TGFBR3: variants seen among roughly 807,000 people sequenced by gnomAD.
TGFBR3 encodes the protein transforming growth factor beta receptor type 3.
Under a neutral mutation model 87.9 loss-of-function variants are expected in TGFBR3, and 46 were observed. The observed-to-expected ratio is 0.52, with a 90% CI of 0.41 to 0.67. The LOEUF is 0.67. TGFBR3 is among the 30% of genes least tolerant of loss of function. The pLI is 0.00. For synonymous variants in TGFBR3, 381 were observed against 391.6 expected (o/e 0.97, Z 0.32); for missense variants, 866 against 1,041.9 (o/e 0.83, Z 2.32).
intron 2 of TGFBR3, among the ~76,000 whole-genome samples, chr1:91,858,323 T>A (rs914750865): frequency 6.6e-6 from 1 of 151,660 alleles, no homozygotes; most frequent in Non-Finnish European, 1.5e-5. Context: ...ATATAAAAAA[T>A]TTTTTTTGCA....
At chr1:91,737,810 C>T (rs1381133914) in intron 4 of TGFBR3, among the ~76,000 whole-genome samples, 5 of 152,184 alleles carry the variant, frequency 3.3e-5, no homozygotes, top group South Asian at 4.2e-4. Context: ...AAGACGGTGT[C>T]GGGACAAGAT....
chr1:91,884,827 C>T (rs867151656), intron 1 of TGFBR3, among the ~76,000 whole-genome samples: 2 of 152,206 alleles, frequency 1.3e-5, no homozygotes, highest in Middle Eastern at 3.2e-3. Context: ...GAAGAAGAAA[C>T]GGTCTTGACG....
At chr1:91,853,808 T>A (rs1421387695) in intron 2 of TGFBR3, among the ~76,000 whole-genome samples, 1 of 152,144 alleles carries the variant, frequency 6.6e-6, no homozygotes, top group Non-Finnish European at 1.5e-5. Context: ...GGTCAGGAGT[T>A]CGAGACCAGC....
intron 1 of TGFBR3, 196 bp from the exon 2 acceptor site, chr1:91,861,840 G>A: frequency 3.0e-6 from 1 of 335,014 alleles, no homozygotes; most frequent in Non-Finnish European, 5.6e-6. Flanking sequence ...TTTTGCAAAT[G>A]ACATATTTGT....
intron 12 of TGFBR3, among the ~76,000 whole-genome samples, chr1:91,714,877 G>A (rs35166025): frequency 3.9e-5 from 6 of 152,282 alleles, no homozygotes; most frequent in East Asian, 1.9e-4. Context: ...CTCAAAGAAA[G>A]AGAACTCTCA....
rs547104877 is a variant in TGFBR3 at position 91,851,475 on chromosome 1, G to GCTTCCCGGAACA, written c.61+9984_61+9995dup. Among the ~76,000 whole-genome samples, 650 of 152,260 alleles carry GCTTCCCGGAACA rather than the reference G, an allele frequency of 4.3e-3. 8 individuals carry two copies. The highest frequency in any genetic ancestry group is 0.015 in the African/African-American group (611 of 41,538). On this transcript the variant is annotated intron_variant, in intron 2 of 16. Transcript: ENST00000212355. ...CTAAAGGAAGGCCTCTTGCTGGCAC[G>GCTTCCCGGAACA]CTTCCCGGAACACTTCCCAGAACAC...
In TGFBR3 at chr1:91,682,280, AATCT is replaced by A; in HGVS notation, c.*1455_*1458del. On this transcript the variant is annotated 3_prime_UTR_variant, in exon 17 of 17. Transcript: ENST00000212355. Reference sequence around the variant, plus strand: ...TTGCTTATGAATATTTTGGGGGTAGAATCTATCTTGTTCTACTTATGGAATTCTA... The same window carrying A: ...TTGCTTATGAATATTTTGGGGGTAGAATCTTGTTCTACTTATGGAATTCTA... 2.2e-6 allele frequency: 1 copy of A among 454,000 alleles called. No homozygotes were observed. Among genetic ancestry groups the A allele is most frequent in the Non-Finnish European group, 4.4e-6 (1 of 226,772 alleles). The allele number at this position is 454,000 out of a possible 1,614,324, so 28.1% of individuals were successfully genotyped here.
Position 91,681,871 on chromosome 1 carries a change from C to T in TGFBR3, c.*1868G>A, listed in dbSNP as rs939878076. 2.2e-6 allele frequency: 1 copy of T among 453,070 alleles called. No individual in the cohort carries two copies. The highest frequency in any genetic ancestry group is 2.0e-5 in the African/African-American group (1 of 49,996). 28.1% of individuals were successfully genotyped at this position (453,070 alleles called of 1,614,324 possible). A position where few individuals can be genotyped will look rare whatever the true frequency, so the allele number is the denominator to read the frequency against. On this transcript the variant is annotated 3_prime_UTR_variant, in exon 17 of 17. Coordinates refer to ENST00000212355, the MANE Select transcript of TGFBR3 (RefSeq NM_003243.5). ...TATTTTCAAACACAGGTAGCGTAAT[C>T]TAGGTCCTCCACTCTGATACCCTTC...
intron 2 of TGFBR3, among the ~76,000 whole-genome samples, chr1:91,818,509 T>G (rs1392601393): frequency 6.6e-6 from 1 of 152,146 alleles, no homozygotes; most frequent in Non-Finnish European, 1.5e-5. Context: ...TATACACTAC[T>G]CATAGAGGTG....
intron 1 of TGFBR3, among the ~76,000 whole-genome samples, chr1:91,882,724 G>A (rs1055261186): frequency 1.9e-4 from 29 of 152,136 alleles, no homozygotes; most frequent in African/African-American, 7.0e-4. Context: ...CCGCCCGGGC[G>A]ACAGAGCGAG....
intron 1 of TGFBR3, among the ~76,000 whole-genome samples, chr1:91,864,783 G>A (rs11165681): frequency 0.25 from 38,743 of 152,140 alleles, 5,457 homozygotes; most frequent in Non-Finnish European, 0.31. Flanking sequence ...TAAAACTAAC[G>A]AAATACAAAC....
At chr1:91,759,033 T>G (rs1458343892) in intron 3 of TGFBR3, among the ~76,000 whole-genome samples, 1 of 152,152 alleles carries the variant, frequency 6.6e-6, no homozygotes, top group Non-Finnish European at 1.5e-5. Context: ...CAGAACACAT[T>G]TTTTCTTTCT....
chr1:91,716,811 GA>G, intron 10 of TGFBR3, 103 bp from the exon 11 acceptor site: 13 of 1,421,772 alleles, frequency 9.1e-6, no homozygotes, highest in Non-Finnish European at 1.3e-5. Context: ...GATGCAAATT[GA>G]AAATCTGACT....
At chr1:91,693,482 G>A (rs1671332285) in intron 16 of TGFBR3, among the ~76,000 whole-genome samples, 1 of 152,190 alleles carries the variant, frequency 6.6e-6, no homozygotes, top group African/African-American at 2.4e-5. Flanking sequence ...CAAATTCAAT[G>A]AGGATGAATA....
chr1:91,851,879 C>G (rs1244638349), intron 2 of TGFBR3, among the ~76,000 whole-genome samples: 1 of 152,214 alleles, frequency 6.6e-6, no homozygotes, highest in Non-Finnish European at 1.5e-5. Flanking sequence ...TAATCTTACT[C>G]ATTCTTGGTA....
chr1:91,882,497 C>T (rs140545662), intron 1 of TGFBR3, among the ~76,000 whole-genome samples: 2,451 of 151,976 alleles, frequency 0.016, 29 homozygotes, highest in Non-Finnish European at 0.026. Context: ...GTAATCCCAG[C>T]ACTTTGGGAG....
At chr1:91,829,719 C>T (rs1396435137) in intron 2 of TGFBR3, 1 of 152,182 alleles carries the variant, frequency 6.6e-6, no homozygotes, top group African/African-American at 2.4e-5. Flanking sequence ...ACAACAAACT[C>T]CAAACTCAGT....
chr1:91,800,813 G>A (rs576099735), intron 2 of TGFBR3: 48 of 157,714 alleles, frequency 3.0e-4, no homozygotes, highest in Non-Finnish European at 6.2e-4. Context: ...GGCCCAGTGC[G>A]GTGGCTCATG....
chr1:91,897,086 A>T (rs1679569468), intron 2 of TGFBR3, among the ~76,000 whole-genome samples: 1 of 152,154 alleles, frequency 6.6e-6, no homozygotes, highest in Non-Finnish European at 1.5e-5. Context: ...GTACACTTAT[A>T]TACTTGCCTG....
Sources: gnomAD v4.1 joint callset for allele counts (sites outside exome capture counted in the v4.1 genomes callset) on GRCh38, gnomAD v4.1.1 for gene constraint, MANE v1.5 for transcripts, NCBI Gene and HGNC (gene_info 2026-07-23, HGNC 2026-07-21) for gene names.